Variants in PARP14 observed in about 807,000 individuals in gnomAD.
PARP14 encodes protein mono-ADP-ribosyltransferase PARP14.
In PARP14, 59 loss-of-function variants were observed where a neutral mutation model predicts 154.2. The ratio of observed to expected loss-of-function variants is 0.38; its 90% CI spans 0.31 to 0.48. The LOEUF is 0.48. Among genes scored for constraint, PARP14 ranks in the 20% least tolerant of loss-of-function variants. The pLI, the probability that PARP14 is intolerant of heterozygous loss-of-function variation, is 0.98. For synonymous variants in PARP14, 720 were observed against 780.5 expected (o/e 0.92, Z 1.29); for missense variants, 1,734 against 2,131.6 (o/e 0.81, Z 3.67).
intron 5 of PARP14, among the ~76,000 whole-genome samples, chr3:122,699,163 T>C (rs1355048126): frequency 2.6e-5 from 4 of 152,224 alleles, no homozygotes; most frequent in Non-Finnish European, 5.9e-5. Flanking sequence ...TAATACGCTG[T>C]AACATCAAAA....
Position 122,700,765 on chromosome 3 carries a change from A to C in PARP14, c.2211A>C (p.Ser737=). The change falls in exon 6 of 17, where the codon TCA becomes TCC. Residue 737 remains serine (S), a synonymous_variant. Transcript: ENST00000474629. ...AVDIVKQVWD[S]VCVKSVHTDK... is the part of the protein sequence containing the mutation. ...ACATTGTCAAGCAAGTCTGGGATTCAGTCTGTGTTAAAAGTGTCCATACTG... is the reference window on the plus strand; with the variant it reads ...ACATTGTCAAGCAAGTCTGGGATTCCGTCTGTGTTAAAAGTGTCCATACTG... 1.2e-6 allele frequency: 2 copies of C among 1,613,564 alleles called. No homozygotes were observed. Among genetic ancestry groups the C allele is most frequent in the Middle Eastern group, 1.6e-4 (1 of 6,062 alleles).
In PARP14 at chr3:122,681,091, G is replaced by C. The variant is rs774696091; in HGVS notation, c.187+21G>C. 6.3e-7 allele frequency: 1 copy of C among 1,585,608 alleles called. No individual in the cohort carries two copies. Among genetic ancestry groups the C allele is most frequent in the South Asian group, 1.1e-5 (1 of 90,260 alleles). On this transcript the variant is annotated intron_variant, in intron 1 of 16. Transcript: ENST00000474629. The surrounding 1 kb of genome is among the most constrained non-coding windows in gnomAD (Gnocchi z 5.5). ...GGACGGTGAGGGGCGCGAGGGGTGG[G>C]GTGAGGAGGGGGCACCTCTGCCCTC... is the stretch of plus-strand genomic sequence containing the variant.
intron 9 of PARP14, among the ~76,000 whole-genome samples, chr3:122,711,450 A>G (rs545035532): frequency 6.6e-6 from 1 of 152,254 alleles, no homozygotes; most frequent in Non-Finnish European, 1.5e-5. Flanking sequence ...CTTGTTCATA[A>G]TGTATTATCT....
At chr3:122,727,632 T>C (rs1276335655) in intron 15 of PARP14, among the ~76,000 whole-genome samples, 180 bp from the exon 16 acceptor site, 1 of 152,218 alleles carries the variant, frequency 6.6e-6, no homozygotes, top group African/African-American at 2.4e-5. Flanking sequence ...TTCTTCCCAT[T>C]GCCTGTTTTT....
chr3:122,701,714 A>G lies in PARP14; in HGVS notation c.3081+79A>G. ...GTGGCTCTCTCATGGAGGGCTGAAG[A>G]AAGATAAGGACCAAGGTGAGAATCA... On this transcript the variant is annotated intron_variant, in intron 6 of 16. Coordinates refer to ENST00000474629, the MANE Select transcript of PARP14 (RefSeq NM_017554.3). The surrounding 1 kb of genome is among the most constrained non-coding windows in gnomAD (Gnocchi z 4.0). 3.9e-6 allele frequency: 4 copies of G among 1,030,882 alleles called. No homozygotes were observed. The South Asian group carries it at 6.8e-5, about 17-fold the overall frequency. 63.9% of individuals were successfully genotyped at this position (1,030,882 alleles called of 1,614,324 possible). A position where few individuals can be genotyped will look rare whatever the true frequency, so the allele number is the denominator to read the frequency against.
At chr3:122,712,701 G>A (rs1036116389) in intron 9 of PARP14, among the ~76,000 whole-genome samples, 14 of 152,044 alleles carry the variant, frequency 9.2e-5, no homozygotes, top group African/African-American at 3.4e-4. Flanking sequence ...CTACAGTTGT[G>A]CACCACCATC....
intron 7 of PARP14, among the ~76,000 whole-genome samples, chr3:122,704,296 C>T (rs1190425295): frequency 6.6e-6 from 1 of 152,212 alleles, no homozygotes; most frequent in Non-Finnish European, 1.5e-5. Context: ...AGGAAAAGAA[C>T]AGTAGTTGCT....
intron 15 of PARP14, among the ~76,000 whole-genome samples, chr3:122,725,054 A>G (rs551066505): frequency 1.1e-4 from 17 of 152,224 alleles, no homozygotes; most frequent in Non-Finnish European, 1.9e-4. Flanking sequence ...ACTTCTTTCT[A>G]CACAGACACA....
At chr3:122,686,898 T>C in intron 2 of PARP14, 182 bp from the exon 3 acceptor site, 2 of 524,442 alleles carry the variant, frequency 3.8e-6, no homozygotes, top group Non-Finnish European at 3.4e-6. Flanking sequence ...TTGGTGATTT[T>C]TGTGACTTGC....
In PARP14 at chr3:122,701,145, C is replaced by A; in HGVS notation, c.2591C>A (p.Ala864Asp). 1 of 1,613,850 alleles carries A rather than the reference C, an allele frequency of 6.2e-7. No homozygotes were observed. Among genetic ancestry groups the A allele is most frequent in the Non-Finnish European group, 8.5e-7 (1 of 1,179,836 alleles). The part of the protein sequence containing the change: ...KREGRLLPGN[A>D]TISKAGKLPY... ...GAGGGCAGACTCCTACCGGGCAATG[C>A]CACCATCTCCAAGGCAGGAAAGCTG... Residue 864 changes from alanine to aspartate, a missense_variant, in exon 6 of 17, where the codon GCC becomes GAC. Transcript: ENST00000474629. This position sits in a 1 kb window ranked among gnomAD's most constrained non-coding sequence, Gnocchi z 4.0.
intron 6 of PARP14, among the ~76,000 whole-genome samples, chr3:122,702,745 A>T (rs1035039228): frequency 6.6e-6 from 1 of 152,162 alleles, no homozygotes; most frequent in Admixed American, 6.5e-5. Flanking sequence ...GTCTCATTTT[A>T]AAAAATTAAA....
At chr3:122,691,128 T>G (rs956631122) in intron 3 of PARP14, among the ~76,000 whole-genome samples, 3 of 152,216 alleles carry the variant, frequency 2.0e-5, no homozygotes, top group African/African-American at 7.2e-5. Context: ...CAAAATGGAT[T>G]TGGTGCACAC....
intron 7 of PARP14, 107 bp downstream of exon 7, chr3:122,704,085 TA>T: frequency 1.4e-6 from 1 of 737,856 alleles, no homozygotes; most frequent in South Asian, 1.8e-5. Context: ...TTCTCTTCCA[TA>T]ATAATCACTC....
Position 122,695,547 on chromosome 3 carries a change from T to C in PARP14, c.720T>C (p.Asp240=), listed in dbSNP as rs748662069. 41 of 1,608,582 alleles carry C rather than the reference T, an allele frequency of 2.5e-5. No individual in the cohort carries two copies. The highest frequency in any genetic ancestry group is 6.0e-6 in the Non-Finnish European group (7 of 1,175,594). The stretch of plus-strand genomic sequence containing the variant: ...TTGAAAACCTGCCACCTGGTGCTGA[T>C]GACTACAGTTTAAAACTTTTCTTTG... The part of the protein sequence containing the change: ...IRVENLPPGA[D]DYSLKLFFEN... Residue 240 remains aspartate, a synonymous_variant, in exon 5 of 17, where the codon GAT becomes GAC. Transcript: ENST00000474629.
intron 12 of PARP14, 46 bp from the exon 13 acceptor site, chr3:122,718,025 T>G: frequency 6.8e-7 from 1 of 1,474,462 alleles, no homozygotes; most frequent in Non-Finnish European, 9.5e-7. Flanking sequence ...AGCCTTCCAC[T>G]TGGGGCTTTT....
At chr3:122,707,524 G>A (rs1939197627) in intron 8 of PARP14, among the ~76,000 whole-genome samples, 1 of 151,954 alleles carries the variant, frequency 6.6e-6, no homozygotes, top group African/African-American at 2.4e-5. Flanking sequence ...TTTAATCCCT[G>A]CACTTTGGGA....
Position 122,713,949 on chromosome 3 carries a change from A to T in PARP14, c.3832+15A>T. The T allele has an allele frequency of 6.2e-7, 1 of 1,603,516 alleles. No individual in the cohort carries two copies. Among genetic ancestry groups the T allele is most frequent in the Non-Finnish European group, 8.5e-7 (1 of 1,170,484 alleles). Reference sequence around the variant, plus strand: ...TTCTCAGCAAGGTAAGGCATATTCTATTTTTTGGTCCTAAGTTGTAATTGT... The same window carrying T: ...TTCTCAGCAAGGTAAGGCATATTCTTTTTTTTGGTCCTAAGTTGTAATTGT... On this transcript the variant is annotated intron_variant, in intron 11 of 16. Coordinates refer to ENST00000474629, the MANE Select transcript of PARP14 (RefSeq NM_017554.3).
At position 122,695,520 on chromosome 3, in the gene PARP14, G is replaced by C; in HGVS notation, c.693G>C (p.Arg231Ser). 1 of 1,610,110 alleles carries C rather than the reference G, an allele frequency of 6.2e-7. No homozygotes were observed. The highest frequency in any genetic ancestry group is 1.1e-5 in the South Asian group (1 of 90,560). ...TTCTGGAAGTGACAAACACAATCAG[G>C]GTTGAAAACCTGCCACCTGGTGCTG... ...PRLLEVTNTI[R>S]VENLPPGADD... is the part of the protein sequence containing the mutation. The change falls in exon 5 of 17, where the codon AGG becomes AGC. Residue 231 changes from arginine to serine, a missense_variant. Physicochemically the swap from Arg to Ser is moderately radical, Grantham distance 110. Transcript: ENST00000474629.
In PARP14 at chr3:122,720,292, G is replaced by A; in HGVS notation, c.4845G>A (p.Gln1615=). Reference sequence around the variant, plus strand: ...CACACTGGAGTGATATGAAGCAGCAGAATTTCTGTGTGGTGGAGCTGCTGC... The same window carrying A: ...CACACTGGAGTGATATGAAGCAGCAAAATTTCTGTGTGGTGGAGCTGCTGC... ...IPAHWSDMKQ[Q]NFCVVELLPS... is the part of the protein sequence containing the mutation. The change falls in exon 15 of 17, where the codon CAG becomes CAA. Residue 1615 remains glutamine, a synonymous_variant. Transcript: ENST00000474629. 1.2e-6 allele frequency: 2 copies of A among 1,613,340 alleles called. No individual in the cohort carries two copies. The highest frequency in any genetic ancestry group is 1.7e-6 in the Non-Finnish European group (2 of 1,179,618).
Sources: gnomAD v4.1 joint callset for allele counts (sites outside exome capture counted in the v4.1 genomes callset) on GRCh38, gnomAD v4.1.1 for gene constraint, Gnocchi (gnomAD v3.1) non-coding constraint, MANE v1.5 for transcripts, NCBI Gene and HGNC (gene_info 2026-07-23, HGNC 2026-07-21) for gene names.